The following CCDC88C variants were observed in gnomAD, a reference collection of about 807,000 sequenced individuals.
The protein encoded by CCDC88C is protein Daple.
Under a neutral mutation model 198.8 loss-of-function variants are expected in CCDC88C, and 131 were observed. The observed-to-expected ratio is 0.66, with a 90% CI of 0.57 to 0.76. The LOEUF is 0.76. Among genes scored for constraint, CCDC88C ranks in the 30% least tolerant of loss-of-function variants. The probability of loss-of-function intolerance (pLI) is 0.00; values close to 1 mark genes in which losing one functional copy is unlikely to be tolerated. For missense variants in CCDC88C, 2,553 were observed against 2,631.6 expected, an observed-to-expected ratio of 0.97 and a Z score of 0.65; for synonymous variants, 1,166 against 1,114.7, an observed-to-expected ratio of 1.05 and a Z score of -0.92.
Position 91,339,772 on chromosome 14 carries a change from A to C in CCDC88C, c.624+112T>G. 1 of 1,294,696 alleles carries C rather than the reference A, an allele frequency of 7.7e-7. No homozygotes were observed. Among genetic ancestry groups the C allele is most frequent in the Non-Finnish European group, 1.0e-6 (1 of 967,372 alleles). 80.2% of individuals were successfully genotyped at this position (1,294,696 alleles called of 1,614,324 possible). ...GGGAAAGCACGCACGTCCCACCCCCACCAGAACCTCAGCAGCAGGACCGAG... is the reference window on the plus strand; with the variant it reads ...GGGAAAGCACGCACGTCCCACCCCCCCCAGAACCTCAGCAGCAGGACCGAG... On this transcript the variant is annotated intron_variant, in intron 7 of 29. Transcript: ENST00000389857. This position sits in a 1 kb window ranked among gnomAD's most constrained non-coding sequence, Gnocchi z 5.8.
At chr14:91,308,843 G>A (rs779501783) in intron 16 of CCDC88C, among the ~76,000 whole-genome samples, 16 of 152,164 alleles carry the variant, frequency 1.1e-4, no homozygotes, top group Admixed American at 8.5e-4. Flanking sequence ...TAAGTCTAAG[G>A]CCTTTCCACC....
chr14:91,347,358 A>T (rs1199030414), intron 4 of CCDC88C, among the ~76,000 whole-genome samples: 1 of 152,220 alleles, frequency 6.6e-6, no homozygotes, highest in East Asian at 1.9e-4. Context: ...GCAAATTAAA[A>T]GGGAGGAAAG....
At chr14:91,294,848 G>A (rs1434147748) in intron 22 of CCDC88C, among the ~76,000 whole-genome samples, 9 of 152,120 alleles carry the variant, frequency 5.9e-5, no homozygotes, top group African/African-American at 1.4e-4. Flanking sequence ...TAGTAGAGAC[G>A]GGGTTTCATC....
rs149440988 is a variant in CCDC88C at position 91,325,561 on chromosome 14, C to G, written c.1197+349G>C. Among the ~76,000 whole-genome samples the G allele has an allele frequency of 1.3e-5, 2 of 152,222 alleles. No individual in the cohort carries two copies. The highest frequency in any genetic ancestry group is 2.9e-5 in the Non-Finnish European group (2 of 68,016). ...GCACGCCATAAACCTGAACCTGCCC[C>G]AATCGGTTTTCTTTTCTTTCTTTCT... On this transcript the variant is annotated intron_variant, in intron 11 of 29. Transcript: ENST00000389857. This position sits in a 1 kb window ranked among gnomAD's most constrained non-coding sequence, Gnocchi z 4.1.
At chr14:91,375,069 G>C (rs117092121) in intron 3 of CCDC88C, among the ~76,000 whole-genome samples, 2 of 152,350 alleles carry the variant, frequency 1.3e-5, no homozygotes, top group East Asian at 3.9e-4. Context: ...GCTACAGACT[G>C]AGTTTCCTCT....
In CCDC88C at chr14:91,416,837, AC is replaced by A; in HGVS notation, c.61del (p.Val21Ter). On this transcript the variant is annotated frameshift_variant and splice_region_variant, in exon 2 of 30. Transcript: ENST00000389857. LOFTEE classifies it high-confidence loss of function. ...LFLQSPLVTW[V>X]KTFGPFGSGS... ...GCTTCCAAACGGGCCAAAAGTTTTC[AC>A]CTGCGGGGAGGGGGACGAGGAGAGA... 6.2e-7 allele frequency: 1 copy of A among 1,610,124 alleles called. No homozygotes were observed. Among genetic ancestry groups the A allele is most frequent in the Non-Finnish European group, 8.5e-7 (1 of 1,177,310 alleles).
chr14:91,311,689 CAGAGCAGCCATCTA>C (rs1891831415), intron 15 of CCDC88C, among the ~76,000 whole-genome samples: 1 of 152,234 alleles, frequency 6.6e-6, no homozygotes, highest in African/African-American at 2.4e-5. Context: ...AGCCATTTCC[CAGAGCAGCCATCTA>C]CTCACCCCAG....
Position 91,273,051 on chromosome 14 carries a change from G to T in CCDC88C, c.5661C>A (p.Ser1887=). ...GCCTCTCCTCCTTTGGGGGAGCCAG[G>T]GAGAAGCGCCTCGTGTCCAGCGGCC... ...RSRPLDTRRF[S]LAPPKEERLA... The change falls in exon 30 of 30, where the codon TCC becomes TCA. Residue 1887 remains serine (S), a synonymous_variant. Coordinates refer to ENST00000389857, the MANE Select transcript of CCDC88C (RefSeq NM_001080414.4). The surrounding 1 kb of genome is among the most constrained non-coding windows in gnomAD (Gnocchi z 5.6). The T allele has an allele frequency of 1.9e-6, 3 of 1,556,300 alleles. No homozygotes were observed. Among genetic ancestry groups the T allele is most frequent in the Non-Finnish European group, 2.6e-6 (3 of 1,152,228 alleles).
chr14:91,318,308 C>T lies in CCDC88C; in HGVS notation c.1528-2521G>A, dbSNP rs114355226. On this transcript the variant is annotated intron_variant, in intron 13 of 29. Coordinates refer to ENST00000389857, the MANE Select transcript of CCDC88C (RefSeq NM_001080414.4). ...GTACGTGCCTGTGGTCCCAGCTATT[C>T]GGGAGGCTGATGTGGGAGGATTACT... 7.4e-3 allele frequency among the ~76,000 whole-genome samples: 1,116 copies of T among 151,526 alleles called. 13 individuals carry two copies. Among genetic ancestry groups the T allele is most frequent in the African/African-American group, 0.026 (1,058 of 41,290 alleles).
chr14:91,312,846 G>A (rs978429208), intron 15 of CCDC88C, among the ~76,000 whole-genome samples: 3 of 152,184 alleles, frequency 2.0e-5, no homozygotes, highest in Admixed American at 6.5e-5. Context: ...CTGTACACAC[G>A]AGGGAAAATG....
intron 4 of CCDC88C, among the ~76,000 whole-genome samples, chr14:91,357,157 A>G (rs1400912253): frequency 1.3e-5 from 2 of 152,222 alleles, no homozygotes; most frequent in South Asian, 2.1e-4. Flanking sequence ...GGTCAAGGAC[A>G]TGGCACCCAA....
chr14:91,311,811 G>A (rs1244094878), intron 15 of CCDC88C, among the ~76,000 whole-genome samples: 1 of 152,006 alleles, frequency 6.6e-6, no homozygotes, highest in Non-Finnish European at 1.5e-5. Context: ...AGACTAACAC[G>A]TTCACACTCT....
intron 20 of CCDC88C, among the ~76,000 whole-genome samples, chr14:91,301,398 C>T (rs2139775616): frequency 6.6e-6 from 1 of 152,326 alleles, no homozygotes; most frequent in East Asian, 1.9e-4. Flanking sequence ...CTGCCAAAAC[C>T]TTTGCTCTCT....
At position 91,366,151 on chromosome 14, in the gene CCDC88C, A is replaced by T. The variant is rs200624366; in HGVS notation, c.271-6440T>A. On this transcript the variant is annotated intron_variant, in intron 3 of 29. Coordinates refer to ENST00000389857, the MANE Select transcript of CCDC88C (RefSeq NM_001080414.4). ...GTGAACATGACAGACCTACTTAAAAAATACACACACACACACACACACACA... is the reference window on the plus strand; with the variant it reads ...GTGAACATGACAGACCTACTTAAAATATACACACACACACACACACACACA... Among the ~76,000 whole-genome samples the T allele has an allele frequency of 4.9e-5, 5 of 101,276 alleles. No homozygotes were observed. The East Asian group carries it at 1.6e-3, about 33-fold the overall frequency. The allele number at this position is 101,276 out of a possible 152,430, so 66.4% of individuals were successfully genotyped here. A position where few individuals can be genotyped will look rare whatever the true frequency, so the allele number is the denominator to read the frequency against.
In CCDC88C at chr14:91,313,287, C is replaced by A; in HGVS notation, c.2529G>T (p.Arg843=). The part of the protein sequence containing the change: ...DKKLLEKEAK[R]LWQQVELKDA... ...CCTTGAGCTCCACCTGCTGCCACAG[C>A]CGCTTGGCCTCCTTCTCCAGCAGCT... Residue 843 remains arginine (R), a synonymous_variant, in exon 15 of 30, where the codon CGG becomes CGT. Coordinates refer to ENST00000389857, the MANE Select transcript of CCDC88C (RefSeq NM_001080414.4). This position sits in a 1 kb window ranked among gnomAD's most constrained non-coding sequence, Gnocchi z 5.2. 1 of 1,613,980 alleles carries A rather than the reference C, an allele frequency of 6.2e-7. No individual in the cohort carries two copies. The highest frequency in any genetic ancestry group is 8.5e-7 in the Non-Finnish European group (1 of 1,179,902).
intron 6 of CCDC88C, among the ~76,000 whole-genome samples, chr14:91,340,426 T>C (rs951919576): frequency 2.0e-5 from 3 of 152,194 alleles, no homozygotes; most frequent in Non-Finnish European, 4.4e-5. Flanking sequence ...AGCAAAAATA[T>C]TAATCTTATG....
intron 15 of CCDC88C, among the ~76,000 whole-genome samples, chr14:91,312,805 C>T (rs879728680): frequency 2.6e-5 from 4 of 152,176 alleles, no homozygotes; most frequent in Non-Finnish European, 5.9e-5. Context: ...CAACAGCTCA[C>T]CTGTGTGTAA....
chr14:91,396,343 G>C (rs931793913), intron 3 of CCDC88C, among the ~76,000 whole-genome samples: 1 of 152,008 alleles, frequency 6.6e-6, no homozygotes, highest in African/African-American at 2.4e-5. Context: ...TCTTTTTAAC[G>C]ACTTGAGAAA....
intron 16 of CCDC88C, 30 bp downstream of exon 16, chr14:91,309,829 A>T: frequency 6.3e-7 from 1 of 1,592,764 alleles, no homozygotes; most frequent in African/African-American, 1.3e-5. Context: ...AAGTGCTCCC[A>T]CGATGGGGAG....
Sources: allele counts gnomAD v4.1 joint callset (sites outside exome capture counted in the v4.1 genomes callset), GRCh38; gene constraint gnomAD v4.1.1; non-coding constraint Gnocchi (gnomAD v3.1); transcripts MANE v1.5; gene names NCBI Gene and HGNC (gene_info 2026-07-23, HGNC 2026-07-21).